Variants in GNAQ observed in about 807,000 individuals in gnomAD.
GNAQ encodes G protein subunit alpha q, also known as guanine nucleotide-binding protein G(q) subunit alpha.
In GNAQ, 8 loss-of-function variants were observed where a neutral mutation model predicts 43.9. The ratio of observed to expected loss-of-function variants is 0.18; its 90% CI spans 0.11 to 0.33. The LOEUF (loss-of-function observed/expected upper bound fraction) is 0.33. Among genes scored for constraint, GNAQ ranks in the 10% least tolerant of loss-of-function variants. GNAQ has a pLI of 1.00. For synonymous variants in GNAQ, 155 were observed against 170.7 expected, an observed-to-expected ratio of 0.91 and a Z score of 0.71; for missense variants, 158 against 450.8, an observed-to-expected ratio of 0.35 and a Z score of 5.88.
At chr9:77,952,026 C>T (rs1256468201) in intron 1 of GNAQ, among the ~76,000 whole-genome samples, 3 of 152,162 alleles carry the variant, frequency 2.0e-5, no homozygotes, top group Non-Finnish European at 2.9e-5. Context: ...TTCTGATGAC[C>T]AGCAGGATAA....
At chr9:78,022,852 A>C (rs1823927711) in intron 1 of GNAQ, among the ~76,000 whole-genome samples, 1 of 152,190 alleles carries the variant, frequency 6.6e-6, no homozygotes, top group African/African-American at 2.4e-5. Flanking sequence ...AAACAAACCC[A>C]CCACAAAAAT....
intron 2 of GNAQ, among the ~76,000 whole-genome samples, chr9:77,817,095 C>T (rs370982509): frequency 6.6e-5 from 10 of 152,292 alleles, no homozygotes; most frequent in African/African-American, 2.4e-4. Context: ...AGGCAATCTT[C>T]CGTGTTCTCC....
intron 5 of GNAQ, among the ~76,000 whole-genome samples, chr9:77,743,547 C>G (rs1319514026): frequency 2.0e-5 from 3 of 152,134 alleles, no homozygotes; most frequent in Non-Finnish European, 4.4e-5. Flanking sequence ...TCAAAGCTGC[C>G]ACAGAGGCAG....
At chr9:77,991,481 C>T (rs1038862542) in intron 1 of GNAQ, among the ~76,000 whole-genome samples, 2 of 152,208 alleles carry the variant, frequency 1.3e-5, no homozygotes, top group African/African-American at 2.4e-5. Context: ...ACGAGATTGT[C>T]TTTTCTAATA....
intron 1 of GNAQ, among the ~76,000 whole-genome samples, chr9:77,925,799 C>T (rs942139527): frequency 1.3e-5 from 2 of 152,164 alleles, no homozygotes; most frequent in African/African-American, 4.8e-5. Context: ...CATTGGTATC[C>T]ACAAGGGATT....
chr9:77,843,074 T>C (rs971903552), intron 2 of GNAQ, among the ~76,000 whole-genome samples: 2 of 152,234 alleles, frequency 1.3e-5, no homozygotes, highest in Non-Finnish European at 2.9e-5. Context: ...TAATGCATTA[T>C]TGCCTTCTTA....
At position 77,716,749 on chromosome 9, in the gene GNAQ, T is replaced by C. The variant is rs1234379391; in HGVS notation, c.*4574A>G. ...TTACCCAATAGATGTTTTCATAACATGTAAATGTCATTTGCTATATTGGGT... is the reference window on the plus strand; with the variant it reads ...TTACCCAATAGATGTTTTCATAACACGTAAATGTCATTTGCTATATTGGGT... On this transcript the variant is annotated 3_prime_UTR_variant, in exon 7 of 7. Transcript: ENST00000286548. The C allele has an allele frequency of 4.3e-6, 1 of 232,882 alleles. No homozygotes were observed. The highest frequency in any genetic ancestry group is 2.2e-5 in the African/African-American group (1 of 45,344). The allele number at this position is 232,882 out of a possible 1,614,324, so 14.4% of individuals were successfully genotyped here. A position where few individuals can be genotyped will look rare whatever the true frequency, so the allele number is the denominator to read the frequency against.
At chr9:77,988,697 T>G (rs533672703) in intron 1 of GNAQ, among the ~76,000 whole-genome samples, 1 of 152,298 alleles carries the variant, frequency 6.6e-6, no homozygotes, top group South Asian at 2.1e-4. Flanking sequence ...CTATTACCAT[T>G]GTTGTTATTA....
chr9:77,848,047 G>A (rs1827615106), intron 2 of GNAQ, among the ~76,000 whole-genome samples: 1 of 152,174 alleles, frequency 6.6e-6, no homozygotes, highest in Admixed American at 6.5e-5. Flanking sequence ...CAGCTAGGTA[G>A]GACCTCAGAC....
At chr9:78,008,471 T>C (rs774072360) in intron 1 of GNAQ, among the ~76,000 whole-genome samples, 1 of 152,216 alleles carries the variant, frequency 6.6e-6, no homozygotes, top group African/African-American at 2.4e-5. Context: ...CCTCCCCTGC[T>C]ACCACCCCCA....
At chr9:77,897,447 G>A (rs1041803218) in intron 2 of GNAQ, among the ~76,000 whole-genome samples, 5 of 152,138 alleles carry the variant, frequency 3.3e-5, no homozygotes, top group Non-Finnish European at 2.9e-5. Flanking sequence ...GGCCAACTTC[G>A]AAAGGCAAAT....
At chr9:78,009,470 G>A (rs1280983366) in intron 1 of GNAQ, among the ~76,000 whole-genome samples, 2 of 152,192 alleles carry the variant, frequency 1.3e-5, no homozygotes, top group African/African-American at 2.4e-5. Context: ...CACAAGTGGT[G>A]AAGTCAAATG....
At chr9:78,023,828 G>A (rs1823941583) in intron 1 of GNAQ, among the ~76,000 whole-genome samples, 1 of 151,820 alleles carries the variant, frequency 6.6e-6, no homozygotes, top group African/African-American at 2.4e-5. Flanking sequence ...GTAACTATGT[G>A]TCTAAACATC....
chr9:77,957,032 C>A (rs748321287), intron 1 of GNAQ, among the ~76,000 whole-genome samples: 1 of 152,078 alleles, frequency 6.6e-6, no homozygotes, highest in Admixed American at 6.5e-5. Context: ...CAGCCCGGAA[C>A]AGAATGATAG....
At chr9:77,869,556 C>G (rs1828003119) in intron 2 of GNAQ, among the ~76,000 whole-genome samples, 1 of 152,170 alleles carries the variant, frequency 6.6e-6, no homozygotes, top group Non-Finnish European at 1.5e-5. Context: ...GTAAAGAGGA[C>G]AGGAATGAGA....
At chr9:77,921,574 C>G (rs2118273757) in intron 2 of GNAQ, among the ~76,000 whole-genome samples, 1 of 152,198 alleles carries the variant, frequency 6.6e-6, no homozygotes, top group East Asian at 1.9e-4. Flanking sequence ...AGGGTTTATT[C>G]CCCCAATCCT....
intron 1 of GNAQ, among the ~76,000 whole-genome samples, chr9:77,988,805 AG>A (rs1823473784): frequency 6.6e-6 from 1 of 152,240 alleles, no homozygotes. Flanking sequence ...AACCAGCCAC[AG>A]GAAGTACCCT....
intron 1 of GNAQ, among the ~76,000 whole-genome samples, chr9:78,016,691 A>G (rs1396557543): frequency 1.3e-5 from 2 of 152,082 alleles, no homozygotes; most frequent in Non-Finnish European, 1.5e-5. Context: ...CAAAAAAAAA[A>G]AAAGAAATAC....
intron 1 of GNAQ, among the ~76,000 whole-genome samples, chr9:77,940,368 C>A (rs1829296550): frequency 6.6e-6 from 1 of 152,070 alleles, no homozygotes; most frequent in South Asian, 2.1e-4. Flanking sequence ...ACTGCCTAAG[C>A]TCAGGAGTTT....
Sources: gnomAD v4.1 joint callset for allele counts (sites outside exome capture counted in the v4.1 genomes callset) on GRCh38, gnomAD v4.1.1 for gene constraint, MANE v1.5 for transcripts, NCBI Gene and HGNC (gene_info 2026-07-23, HGNC 2026-07-21) for gene names.